RNF135: variants seen among roughly 807,000 people sequenced by gnomAD.
RNF135 encodes the protein E3 ubiquitin-protein ligase RNF135.
In RNF135, 46 loss-of-function variants were observed where a neutral mutation model predicts 41.9. The observed-to-expected ratio is 1.10, with a 90% CI of 0.87 to 1.40. The LOEUF (loss-of-function observed/expected upper bound fraction) is 1.40, where lower values mean the gene tolerates loss of function less well. Among genes scored for constraint, RNF135 ranks in the 40% most tolerant of loss-of-function variants. RNF135 has a pLI of 0.00. For synonymous variants in RNF135, 238 were observed against 223.8 expected, an observed-to-expected ratio of 1.06 and a Z score of -0.57; for missense variants, 539 against 549.8, an observed-to-expected ratio of 0.98 and a Z score of 0.20.
At chr17:30,977,730 G>A (rs1027550574) in intron 1 of RNF135, among the ~76,000 whole-genome samples, 3 of 151,534 alleles carry the variant, frequency 2.0e-5, no homozygotes, top group Non-Finnish European at 4.4e-5. Flanking sequence ...CACCACGCCC[G>A]GCTAATTTTT....
rs56955275 is a variant in RNF135 at position 30,988,416 on chromosome 17, A to ATTTTTTTTTT, written c.679+330_679+339dup. On this transcript the variant is annotated intron_variant, in intron 3 of 4. Transcript: ENST00000328381. ...GAGATTCTGAAATAGGCCACTTTTA[A>ATTTTTTTTTT]TTTTTTTTTTTTTTTTTTTTTTTTT... is the stretch of plus-strand genomic sequence containing the variant. 1.2e-4 allele frequency among the ~76,000 whole-genome samples: 10 copies of ATTTTTTTTTT among 81,898 alleles called. 1 individual carries two copies. The highest frequency in any genetic ancestry group is 4.0e-4 in the African/African-American group (8 of 19,796). 53.7% of individuals were successfully genotyped at this position (81,898 alleles called of 152,430 possible). A position where few individuals can be genotyped will look rare whatever the true frequency, so the allele number is the denominator to read the frequency against.
intron 1 of RNF135, among the ~76,000 whole-genome samples, chr17:30,977,392 G>C (rs1906552482): frequency 6.6e-6 from 1 of 151,988 alleles, no homozygotes; most frequent in South Asian, 2.1e-4. Context: ...GTTTTGTTTT[G>C]AGACAGAGTT....
At position 30,971,048 on chromosome 17, in the gene RNF135, G is replaced by C. The variant is rs761160878; in HGVS notation, c.-26G>C. Reference sequence around the variant, plus strand: ...GAGACTCGCCCGGCTCAACCCCGACGTCCGCGCCCCGGCCGCCTGTTGGCC... The same window carrying C: ...GAGACTCGCCCGGCTCAACCCCGACCTCCGCGCCCCGGCCGCCTGTTGGCC... On this transcript the variant is annotated 5_prime_UTR_variant, in exon 1 of 5. Transcript: ENST00000328381. 1.3e-6 allele frequency: 2 copies of C among 1,529,388 alleles called. No homozygotes were observed. The highest frequency in any genetic ancestry group is 2.0e-5 in the Admixed American group (1 of 50,704). 94.7% of individuals were successfully genotyped at this position (1,529,388 alleles called of 1,614,324 possible).
In RNF135 at chr17:30,984,764, G is replaced by A; in HGVS notation, c.516+4G>A. 1 of 1,614,056 alleles carries A rather than the reference G, an allele frequency of 6.2e-7. No homozygotes were observed. Among genetic ancestry groups the A allele is most frequent in the Non-Finnish European group, 8.5e-7 (1 of 1,179,952 alleles). ...CGAACTGAGCATCCTGGGCAAGGTAGGCTCCACTGGGAGAGGAAAGGATGT... is the reference window on the plus strand; with the variant it reads ...CGAACTGAGCATCCTGGGCAAGGTAAGCTCCACTGGGAGAGGAAAGGATGT... On this transcript the variant is annotated splice_donor_region_variant and intron_variant, in intron 2 of 4. Coordinates refer to ENST00000328381, the MANE Select transcript of RNF135 (RefSeq NM_032322.4).
chr17:30,983,353 A>ATATATT (rs1420453160), intron 1 of RNF135, among the ~76,000 whole-genome samples: 11 of 35,734 alleles, frequency 3.1e-4, no homozygotes, highest in East Asian at 8.8e-4. Flanking sequence ...ATATATATAT[A>ATATATT]TTTTTTTTTT....
chr17:30,981,077 A>C (rs1324397343), intron 1 of RNF135, among the ~76,000 whole-genome samples: 1 of 147,024 alleles, frequency 6.8e-6, no homozygotes, highest in East Asian at 2.0e-4. Flanking sequence ...ACCATTGAGC[A>C]CTGAGTGAAC....
rs1252233271 is a variant in RNF135 at position 30,983,345 on chromosome 17, A to T, written c.373-1272A>T. Reference sequence around the variant, plus strand: ...CATATATATATATATATATATATATATATATATATTTTTTTTTTTTTTTTT... The same window carrying T: ...CATATATATATATATATATATATATTTATATATATTTTTTTTTTTTTTTTT... On this transcript the variant is annotated intron_variant, in intron 1 of 4. Coordinates refer to ENST00000328381, the MANE Select transcript of RNF135 (RefSeq NM_032322.4). 9.0e-3 allele frequency among the ~76,000 whole-genome samples: 308 copies of T among 34,160 alleles called. 10 individuals carry two copies. Among genetic ancestry groups the T allele is most frequent in the African/African-American group, 0.015 (156 of 10,714 alleles). The allele number at this position is 34,160 out of a possible 152,430, so 22.4% of individuals were successfully genotyped here. A position where few individuals can be genotyped will look rare whatever the true frequency, so the allele number is the denominator to read the frequency against.
At chr17:30,982,574 T>C (rs1907233418) in intron 1 of RNF135, among the ~76,000 whole-genome samples, 1 of 152,196 alleles carries the variant, frequency 6.6e-6, no homozygotes, top group African/African-American at 2.4e-5. Flanking sequence ...AACCAGGTAC[T>C]GTAAGTACCC....
chr17:30,999,228 T>A lies in RNF135; in HGVS notation c.*37T>A, dbSNP rs1908581079. ...GGATTACAACACAGTGGTTTCCTGG[T>A]CTCTCTCCCTGTCATCAATCAGGGT... is the stretch of plus-strand genomic sequence containing the variant. On this transcript the variant is annotated 3_prime_UTR_variant, in exon 5 of 5. Coordinates refer to ENST00000328381, the MANE Select transcript of RNF135 (RefSeq NM_032322.4). 1 of 1,599,302 alleles carries A rather than the reference T, an allele frequency of 6.3e-7. No individual in the cohort carries two copies.
chr17:30,984,329 T>C (rs1056344915), intron 1 of RNF135, among the ~76,000 whole-genome samples: 2 of 152,230 alleles, frequency 1.3e-5, no homozygotes, highest in Non-Finnish European at 1.5e-5. Context: ...TTTTTGTATA[T>C]GATGTTAGGT....
chr17:30,961,120 T>C, the RNF135 span, among the ~76,000 whole-genome samples: 1 of 152,236 alleles, frequency 6.6e-6, no homozygotes, highest in Non-Finnish European at 1.5e-5. Context: ...TCAATATGTC[T>C]TTCCTTATTG....
intron 4 of RNF135, 54 bp from the exon 5 acceptor site, chr17:30,998,608 G>C: frequency 6.4e-7 from 1 of 1,567,266 alleles, no homozygotes; most frequent in Non-Finnish European, 8.8e-7. Flanking sequence ...TCTTAGCATG[G>C]ACCATCAAAA....
intron 1 of RNF135, chr17:30,975,989 AT>A (rs67257819): frequency 0.078 from 29,235 of 372,460 alleles, 6,617 homozygotes; most frequent in African/African-American, 0.54. Flanking sequence ...GTAAAAAAAA[AT>A]AAATACTAAA....
Position 30,988,020 on chromosome 17 carries a change from G to A in RNF135, c.593G>A (p.Arg198Lys), listed in dbSNP as rs537121074. The A allele has an allele frequency of 6.2e-7, 1 of 1,614,078 alleles. No homozygotes were observed. Among genetic ancestry groups the A allele is most frequent in the Admixed American group, 1.7e-5 (1 of 60,018 alleles). ...TCCGACACAGCTGCAGGGAAAATCA[G>A]AGATATTCTCCATGACCTAGAAGAA... ...VTSDTAAGKI[R>K]DILHDLEEIQ... The change falls in exon 3 of 5, where the codon AGA becomes AAA. Residue 198 changes from arginine (R) to lysine (K), a missense_variant. Arg to Lys is a conservative substitution (Grantham distance 26). Around this residue, in one of 2 missense-constraint regions of RNF135, gnomAD observed 262 missense variants for 336.9 expected, o/e 0.78. Transcript: ENST00000328381.
chr17:30,962,424 G>T, the RNF135 span, among the ~76,000 whole-genome samples: 1 of 151,516 alleles, frequency 6.6e-6, no homozygotes, highest in Admixed American at 6.6e-5. Context: ...GAGCCACCGC[G>T]CCTGGCCTAT....
At chr17:30,963,366 A>G in the RNF135 span, among the ~76,000 whole-genome samples, 11 of 151,810 alleles carry the variant, frequency 7.2e-5, no homozygotes, top group Non-Finnish European at 1.6e-4. Flanking sequence ...GCAGATCACG[A>G]CGTCAGGAGA....
Position 30,999,030 on chromosome 17 carries a change from C to A in RNF135, c.1138C>A (p.Leu380Met), listed in dbSNP as rs1168352595. The change falls in exon 5 of 5, where the codon CTG becomes ATG. Residue 380 changes from leucine to methionine, a missense_variant. Physicochemically the swap from Leu to Met is conservative, Grantham distance 15. This residue lies in a region of RNF135 where 262 missense variants were observed against 336.9 expected (regional missense o/e 0.78). Coordinates refer to ENST00000328381, the MANE Select transcript of RNF135 (RefSeq NM_032322.4). Reference protein sequence around the residue: ...SDRPGVVGIWLNLEEGKLAFY... With the variant: ...SDRPGVVGIWMNLEEGKLAFY... ...CAGACCTGGGGTGGTGGGCATCTGG[C>A]TGAACCTTGAGGAGGGAAAGCTTGC... 2.5e-6 allele frequency: 4 copies of A among 1,614,068 alleles called. No individual in the cohort carries two copies. The highest frequency in any genetic ancestry group is 1.3e-5 in the African/African-American group (1 of 74,934).
chr17:30,971,883 C>T, intron 1 of RNF135: 1 of 222,450 alleles, frequency 4.5e-6, no homozygotes, highest in South Asian at 1.2e-4. Flanking sequence ...CCTCCGCCCC[C>T]CAGGGTCGAG....
the RNF135 span, among the ~76,000 whole-genome samples, chr17:30,961,710 C>T: frequency 6.6e-6 from 1 of 152,128 alleles, no homozygotes; most frequent in African/African-American, 2.4e-5. Context: ...GTGATCCACC[C>T]ACCTCAGCCT....
Sources: gnomAD v4.1 joint callset for allele counts (sites outside exome capture counted in the v4.1 genomes callset) on GRCh38, gnomAD v4.1.1 for gene constraint, gnomAD v4.1.1 regional missense constraint, MANE v1.5 for transcripts, NCBI Gene and HGNC (gene_info 2026-07-23, HGNC 2026-07-21) for gene names.